TAGLN3: variants seen among roughly 807,000 people sequenced by gnomAD.
TAGLN3 encodes the protein transgelin 3, also known as transgelin-3.
Under a neutral mutation model 25.4 loss-of-function variants are expected in TAGLN3, and 12 were observed. The ratio of observed to expected loss-of-function variants is 0.47; its 90% confidence interval spans 0.30 to 0.77. The LOEUF (loss-of-function observed/expected upper bound fraction) is 0.77, where lower values mean the gene tolerates loss of function less well. Among genes scored for constraint, TAGLN3 ranks in the 30% least tolerant of loss-of-function variants. The probability of loss-of-function intolerance (pLI) is 0.06; values close to 1 mark genes in which losing one functional copy is unlikely to be tolerated. For synonymous variants in TAGLN3, 96 were observed against 94.8 expected, an observed-to-expected ratio of 1.01 and a Z score of -0.08; for missense variants, 218 against 255.8, an observed-to-expected ratio of 0.85 and a Z score of 1.01.
chr3:112,013,788 G>T lies in TAGLN3; in HGVS notation c.*237G>T. Reference sequence around the variant, plus strand: ...TTTCCTGAGCTCCTCGGGCCCCAGAGTCTCTGTTTGATTATTTATTTATTT... The same window carrying T: ...TTTCCTGAGCTCCTCGGGCCCCAGATTCTCTGTTTGATTATTTATTTATTT... On this transcript the variant is annotated 3_prime_UTR_variant, in exon 5 of 5. Coordinates refer to ENST00000478951, the MANE Select transcript of TAGLN3 (RefSeq NM_001008272.2). 1.8e-6 allele frequency: 1 copy of T among 569,160 alleles called. No homozygotes were observed. Among genetic ancestry groups the T allele is most frequent in the Non-Finnish European group, 3.1e-6 (1 of 321,016 alleles). The allele number at this position is 569,160 out of a possible 1,614,324, so 35.3% of individuals were successfully genotyped here. A position where few individuals can be genotyped will look rare whatever the true frequency, so the allele number is the denominator to read the frequency against.
chr3:112,001,213 C>T (rs1258046201), intron 3 of TAGLN3, among the ~76,000 whole-genome samples: 2 of 152,174 alleles, frequency 1.3e-5, no homozygotes, highest in East Asian at 3.8e-4. Context: ...AGGAAGCTAA[C>T]GGTGACATAC....
chr3:112,013,717 T>C lies in TAGLN3; in HGVS notation c.*166T>C. 2 of 947,750 alleles carry C rather than the reference T, an allele frequency of 2.1e-6. No homozygotes were observed. The highest frequency in any genetic ancestry group is 2.8e-5 in the South Asian group (2 of 71,202). 58.7% of individuals were successfully genotyped at this position (947,750 alleles called of 1,614,324 possible). A position where few individuals can be genotyped will look rare whatever the true frequency, so the allele number is the denominator to read the frequency against. ...GCCGAGAATCCGCGTTGCCTACTGC[T>C]GCCACCTCCTGTTCATTTAGAACTA... On this transcript the variant is annotated 3_prime_UTR_variant, in exon 5 of 5. Coordinates refer to ENST00000478951, the MANE Select transcript of TAGLN3 (RefSeq NM_001008272.2).
rs757387078 is a variant in TAGLN3 at position 112,000,777 on chromosome 3, G to A, written c.186G>A (p.Leu62=). 6.2e-6 allele frequency: 10 copies of A among 1,613,856 alleles called. No homozygotes were observed. The highest frequency in any genetic ancestry group is 8.5e-6 in the Non-Finnish European group (10 of 1,179,828). ...TCTCTCCCCTCCCTCTTCAGGTCCT[G>A]TGCAAGCTGATAAATAGTTTATACC... ...FQKWLMDGTV[L]CKLINSLYPP... Residue 62 remains leucine, a synonymous_variant, in exon 3 of 5, where the codon CTG becomes CTA. Transcript: ENST00000478951.
rs372724308 is a variant in TAGLN3 at position 112,004,254 on chromosome 3, G to T, written c.355+3308G>T. On this transcript the variant is annotated intron_variant, in intron 3 of 4. Transcript: ENST00000478951. ...GATTACTTTTGGATTTGCCATGGGT[G>T]CCCTGGAAAGGGCAGGGGTGGGGCC... Among the ~76,000 whole-genome samples, 3 of 152,226 alleles carry T rather than the reference G, an allele frequency of 2.0e-5. 1 individual carries two copies. In the East Asian group the frequency reaches 5.8e-4, roughly 29 times the overall value.
intron 4 of TAGLN3, 62 bp downstream of exon 4, chr3:112,011,927 A>G: frequency 1.3e-6 from 2 of 1,507,452 alleles, no homozygotes; most frequent in Admixed American, 1.8e-5. Context: ...GAGGGTCTGA[A>G]GCCTTGGAAC....
chr3:112,000,609 G>A, intron 2 of TAGLN3, 163 bp from the exon 3 acceptor site: 1 of 678,990 alleles, frequency 1.5e-6, no homozygotes, highest in Non-Finnish European at 2.5e-6. Context: ...GCTTAGTATA[G>A]GAGCCTGGCT....
chr3:111,999,526 T>A lies in TAGLN3; in HGVS notation c.104T>A (p.Ile35Asn). The change falls in exon 2 of 5, where the codon ATC (isoleucine) becomes AAC (asparagine). Residue 35 changes from isoleucine to asparagine, a missense_variant. Ile to Asn is a moderately radical substitution (Grantham distance 149). Coordinates refer to ENST00000478951, the MANE Select transcript of TAGLN3 (RefSeq NM_001008272.2). ...GAGAACAAGCTGGTGGACTGGATCA[T>A]CCTGCAGTGCGCCGAGGACATAGAG... is the stretch of plus-strand genomic sequence containing the variant. ...DLENKLVDWIILQCAEDIEHP... is the reference protein window; with the variant it reads ...DLENKLVDWINLQCAEDIEHP... 1 of 1,614,050 alleles carries A rather than the reference T, an allele frequency of 6.2e-7. No homozygotes were observed. Among genetic ancestry groups the A allele is most frequent in the Non-Finnish European group, 8.5e-7 (1 of 1,180,006 alleles).
At chr3:112,001,831 G>C (rs1171299834) in intron 3 of TAGLN3, among the ~76,000 whole-genome samples, 5 of 152,198 alleles carry the variant, frequency 3.3e-5, no homozygotes, top group Non-Finnish European at 5.9e-5. Context: ...AGTGAGAATG[G>C]GGTAGCTTTC....
chr3:111,999,397 G>A, intron 1 of TAGLN3, 24 bp from the exon 2 acceptor site: 1 of 1,609,590 alleles, frequency 6.2e-7, no homozygotes, highest in Non-Finnish European at 8.5e-7. Flanking sequence ...TGTGGATGCC[G>A]CGCGTGTCTT....
chr3:112,004,629 AG>A (rs2107721654), intron 3 of TAGLN3, among the ~76,000 whole-genome samples: 1 of 152,332 alleles, frequency 6.6e-6, no homozygotes, highest in East Asian at 1.9e-4. Context: ...TGTATTTCAC[AG>A]GGTTGATATG....
chr3:112,011,791 C>T lies in TAGLN3; in HGVS notation c.384C>T (p.Thr128=). Residue 128 remains threonine, a synonymous_variant, in exon 4 of 5, where the codon ACC becomes ACT. Coordinates refer to ENST00000478951, the MANE Select transcript of TAGLN3 (RefSeq NM_001008272.2). ...EGKDMAAVQR[T]LMALGSVAVT... Reference sequence around the variant, plus strand: ...AGGACATGGCAGCTGTGCAGAGGACCCTGATGGCTTTAGGCAGCGTTGCAG... The same window carrying T: ...AGGACATGGCAGCTGTGCAGAGGACTCTGATGGCTTTAGGCAGCGTTGCAG... 1 of 1,613,526 alleles carries T rather than the reference C, an allele frequency of 6.2e-7. No homozygotes were observed. The highest frequency in any genetic ancestry group is 8.5e-7 in the Non-Finnish European group (1 of 1,179,706).
chr3:112,006,847 T>C (rs1309846288), intron 3 of TAGLN3, among the ~76,000 whole-genome samples: 1 of 152,192 alleles, frequency 6.6e-6, no homozygotes, highest in Non-Finnish European at 1.5e-5. Context: ...CTTTATAGCA[T>C]TAAGAATTCC....
chr3:112,002,103 G>A (rs2072866976), intron 3 of TAGLN3, among the ~76,000 whole-genome samples: 2 of 152,178 alleles, frequency 1.3e-5, no homozygotes, highest in Non-Finnish European at 2.9e-5. Flanking sequence ...GCCAGGCCAG[G>A]CTATGGATCT....
rs1263227234 is a variant in TAGLN3 at position 111,999,468 on chromosome 3, G to A, written c.46G>A (p.Glu16Lys). 2.5e-6 allele frequency: 4 copies of A among 1,614,220 alleles called. No homozygotes were observed. The highest frequency in any genetic ancestry group is 2.2e-5 in the East Asian group (1 of 44,884). The change falls in exon 2 of 5, where the codon GAG becomes AAG. Residue 16 changes from glutamate (E) to lysine (K), a missense_variant. Glu to Lys is a moderately conservative substitution (Grantham distance 56). Transcript: ENST00000478951. ...PSYGLSREVQEKIEQKYDADL... is the reference protein window; with the variant it reads ...PSYGLSREVQKKIEQKYDADL... ...CTATGGCTTAAGCCGAGAGGTGCAG[G>A]AGAAGATCGAGCAGAAGTATGATGC...
intron 3 of TAGLN3, among the ~76,000 whole-genome samples, chr3:112,003,511 C>T (rs143909049): frequency 1.3e-5 from 2 of 152,192 alleles, no homozygotes; most frequent in South Asian, 2.1e-4. Flanking sequence ...AGGGTTGGCA[C>T]GTGTTATGTG....
intron 3 of TAGLN3, among the ~76,000 whole-genome samples, chr3:112,006,922 T>A (rs749189695): frequency 7.2e-5 from 11 of 152,186 alleles, no homozygotes; most frequent in Non-Finnish European, 1.6e-4. Flanking sequence ...CTTAGTAATA[T>A]GGGGTGCAGG....
At chr3:112,001,295 T>A (rs963453641) in intron 3 of TAGLN3, among the ~76,000 whole-genome samples, 1 of 152,206 alleles carries the variant, frequency 6.6e-6, no homozygotes, top group Admixed American at 6.5e-5. Flanking sequence ...AGGGGGCCAG[T>A]GTGCTTCTTG....
chr3:112,010,327 G>A (rs1219957690), intron 3 of TAGLN3, among the ~76,000 whole-genome samples: 2 of 152,084 alleles, frequency 1.3e-5, no homozygotes, highest in Admixed American at 6.5e-5. Context: ...CAGTAGAGAT[G>A]AGTGATATAC....
At chr3:112,008,831 C>T (rs1235051780) in intron 3 of TAGLN3, among the ~76,000 whole-genome samples, 11 of 152,180 alleles carry the variant, frequency 7.2e-5, no homozygotes, top group African/African-American at 2.7e-4. Flanking sequence ...ACTTAGTGTA[C>T]TAGTCCATTT....
Sources: gnomAD v4.1 joint callset for allele counts (sites outside exome capture counted in the v4.1 genomes callset) on GRCh38, gnomAD v4.1.1 for gene constraint, MANE v1.5 for transcripts, NCBI Gene and HGNC (gene_info 2026-07-23, HGNC 2026-07-21) for gene names.